The following DGKB variants were observed in gnomAD, a reference collection of about 807,000 sequenced individuals.
The protein encoded by DGKB is 90 kDa diacylglycerol kinase.
In DGKB, 67 loss-of-function variants were observed where a neutral mutation model predicts 114.3. The ratio of observed to expected loss-of-function variants is 0.59; its 90% CI spans 0.48 to 0.72. DGKB has a LOEUF of 0.72. DGKB is among the 30% of genes least tolerant of loss of function. DGKB has a pLI of 0.00. For missense variants in DGKB, 907 were observed against 975.2 expected, an observed-to-expected ratio of 0.93 and a Z score of 0.93; for synonymous variants, 398 against 323.1, an observed-to-expected ratio of 1.23 and a Z score of -2.49.
intron 14 of DGKB, among the ~76,000 whole-genome samples, chr7:14,621,943 T>C (rs1042235095): frequency 2.0e-5 from 3 of 152,118 alleles, no homozygotes; most frequent in African/African-American, 7.2e-5. Context: ...ATATCAAAAA[T>C]AGCATATATC....
intron 13 of DGKB, among the ~76,000 whole-genome samples, chr7:14,659,587 C>G (rs942908636): frequency 2.0e-5 from 3 of 147,584 alleles, no homozygotes; most frequent in African/African-American, 7.6e-5. Flanking sequence ...GATTTTGTAT[C>G]CTGAGACTTT....
rs540392109 is a variant in DGKB, at chr7:14,621,641, C to G, written c.1168-147G>C. On this transcript the variant is annotated intron_variant, in intron 14 of 25. Transcript: ENST00000402815. ...AAGTTCCTAGTGAATAATATGAAAGCTGTTGTTTTCAACTGGCTCAATATA... is the reference window on the plus strand; with the variant it reads ...AAGTTCCTAGTGAATAATATGAAAGGTGTTGTTTTCAACTGGCTCAATATA... The G allele has an allele frequency of 2.0e-4, 119 of 580,656 alleles. 1 individual carries two copies. The highest frequency in any genetic ancestry group is 3.5e-4 in the Non-Finnish European group (117 of 330,746). 36.0% of individuals were successfully genotyped at this position (580,656 alleles called of 1,614,324 possible).
Position 14,273,582 on chromosome 7 carries a change from A to G in DGKB, c.2122+64933T>C, listed in dbSNP as rs577947728. Among the ~76,000 whole-genome samples, 3 of 152,334 alleles carry G rather than the reference A, an allele frequency of 2.0e-5. No individual in the cohort carries two copies. In the South Asian group the frequency reaches 6.2e-4, roughly 32 times the overall value. On this transcript the variant is annotated intron_variant, in intron 23 of 25. Transcript: ENST00000402815. ...TGTATTGACACAAGGCAGAAGTGCT[A>G]GTTTTGAGAATAATTTGGGATATTA... is the stretch of plus-strand genomic sequence containing the variant.
chr7:14,433,826 T>G (rs1828845946), intron 21 of DGKB, among the ~76,000 whole-genome samples: 1 of 152,196 alleles, frequency 6.6e-6, no homozygotes, highest in African/African-American at 2.4e-5. Context: ...TGAGATATCT[T>G]GGGGATGGGA....
In DGKB at chr7:14,653,061, T is replaced by C. The variant is rs547854744; in HGVS notation, c.1134+19868A>G. On this transcript the variant is annotated intron_variant, in intron 13 of 25. Transcript: ENST00000402815. Reference sequence around the variant, plus strand: ...AACACTTTTACACTGTTGGTGGGACTGTAAACTAGTTCAACCATTGTGGAA... The same window carrying C: ...AACACTTTTACACTGTTGGTGGGACCGTAAACTAGTTCAACCATTGTGGAA... Among the ~76,000 whole-genome samples the C allele has an allele frequency of 3.5e-3, 536 of 151,354 alleles. 7 individuals carry two copies. Among genetic ancestry groups the C allele is most frequent in the South Asian group, 0.034 (164 of 4,760 alleles).
chr7:14,444,381 G>A (rs1830462009), intron 21 of DGKB, among the ~76,000 whole-genome samples: 2 of 151,426 alleles, frequency 1.3e-5, no homozygotes, highest in African/African-American at 4.8e-5. Flanking sequence ...TAATATTATA[G>A]CAATATCCTG....
At chr7:14,344,852 TGAATG>T (rs752082337) in intron 22 of DGKB, among the ~76,000 whole-genome samples, 66 of 151,738 alleles carry the variant, frequency 4.3e-4, no homozygotes, top group Non-Finnish European at 7.5e-4. Flanking sequence ...ACCTAGTTAA[TGAATG>T]GGAATGGAAT....
chr7:14,919,846 C>T (rs1025148314), intron 1 of DGKB, among the ~76,000 whole-genome samples: 3 of 152,148 alleles, frequency 2.0e-5, no homozygotes, highest in African/African-American at 7.2e-5. Flanking sequence ...CTCCTCCCCT[C>T]TCTCTTGCTC....
chr7:14,629,427 G>A (rs1293292914), intron 14 of DGKB, among the ~76,000 whole-genome samples: 1 of 151,866 alleles, frequency 6.6e-6, no homozygotes. Flanking sequence ...TTTTGGTGGG[G>A]AGAAAAGAGC....
At chr7:14,508,268 T>G (rs1018800892) in intron 20 of DGKB, among the ~76,000 whole-genome samples, 1 of 152,198 alleles carries the variant, frequency 6.6e-6, no homozygotes, top group Non-Finnish European at 1.5e-5. Context: ...TTCCTTGACC[T>G]CTTCTGCCTG....
rs946174856 is a variant in DGKB, at chr7:14,673,785, ATT to A, written c.1036-760_1036-759del. On this transcript the variant is annotated intron_variant, in intron 12 of 25. Coordinates refer to ENST00000402815, the MANE Select transcript of DGKB (RefSeq NM_001350709.2). ...GGTAGTTTTTTAAAGAATTACACAG[ATT>A]TGGTAAAATAATACTTGCTTGAGGG... Among the ~76,000 whole-genome samples, 5 of 152,200 alleles carry A rather than the reference ATT, an allele frequency of 3.3e-5. No homozygotes were observed. In the East Asian group the frequency reaches 5.8e-4, roughly 18 times the overall value.
At chr7:14,259,495 C>T (rs954207457) in intron 23 of DGKB, among the ~76,000 whole-genome samples, 2 of 151,332 alleles carry the variant, frequency 1.3e-5, no homozygotes, top group South Asian at 2.1e-4. Context: ...GGCGTGATCT[C>T]GGCTCACTGC....
rs187762439 is a variant in DGKB at position 14,551,183 on chromosome 7, C to A, written c.1770+23029G>T. ...AGGCTGAAGGATATTAAATCACAAC[C>A]ATGCAAATATCTATTTGATAGGACA... On this transcript the variant is annotated intron_variant, in intron 20 of 25. Coordinates refer to ENST00000402815, the MANE Select transcript of DGKB (RefSeq NM_001350709.2). 7.3e-4 allele frequency among the ~76,000 whole-genome samples: 111 copies of A among 152,238 alleles called. 1 individual carries two copies. The highest frequency in any genetic ancestry group is 3.4e-3 in the Middle Eastern group (1 of 294).
intron 20 of DGKB, among the ~76,000 whole-genome samples, chr7:14,519,501 T>C (rs959712746): frequency 5.3e-5 from 8 of 152,108 alleles, no homozygotes; most frequent in Admixed American, 1.3e-4. Context: ...TATGGGCTTA[T>C]GAATTTTCCC....
At chr7:14,869,432 A>C (rs1419772013) in intron 1 of DGKB, among the ~76,000 whole-genome samples, 1 of 152,174 alleles carries the variant, frequency 6.6e-6, no homozygotes, top group Non-Finnish European at 1.5e-5. Context: ...TTACAACTTT[A>C]CAATCGATAT....
chr7:14,554,001 T>C (rs925747491), intron 20 of DGKB, among the ~76,000 whole-genome samples: 4 of 150,362 alleles, frequency 2.7e-5, no homozygotes, highest in Non-Finnish European at 5.9e-5. Context: ...GCCTCCCGAG[T>C]AGCTGGGACT....
At chr7:14,831,429 C>T (rs1846395884) in intron 2 of DGKB, among the ~76,000 whole-genome samples, 1 of 151,944 alleles carries the variant, frequency 6.6e-6, no homozygotes, top group Admixed American at 6.6e-5. Context: ...TAGTGGACAA[C>T]CTTGGGAGAC....
chr7:14,779,111 G>A (rs770346389), intron 2 of DGKB, among the ~76,000 whole-genome samples: 9 of 152,060 alleles, frequency 5.9e-5, no homozygotes, highest in Non-Finnish European at 8.8e-5. Flanking sequence ...AGCCAAGATC[G>A]TGCCACTGCT....
chr7:14,474,393 C>T (rs2128896087), intron 21 of DGKB, among the ~76,000 whole-genome samples: 1 of 152,266 alleles, frequency 6.6e-6, no homozygotes, highest in African/African-American at 2.4e-5. Flanking sequence ...GTCCAATAAA[C>T]CTTTCTTTTG....
Sources: allele counts gnomAD v4.1 joint callset (sites outside exome capture counted in the v4.1 genomes callset), GRCh38; gene constraint gnomAD v4.1.1; transcripts MANE v1.5; gene names NCBI Gene and HGNC (gene_info 2026-07-23, HGNC 2026-07-21).